VASH1: variants seen among roughly 807,000 people sequenced by gnomAD.
VASH1 encodes the protein vasohibin 1.
In VASH1, 16 loss-of-function variants were observed where a neutral mutation model predicts 35.0. The observed-to-expected ratio is 0.46, with a 90% CI of 0.31 to 0.70. VASH1 has a LOEUF of 0.70. VASH1 is among the 30% of genes least tolerant of loss of function. The pLI is 0.05. For missense variants in VASH1, 505 were observed against 510.7 expected (o/e 0.99, Z 0.11); for synonymous variants, 214 against 200.9 (o/e 1.07, Z -0.55).
intron 1 of VASH1, 74 bp downstream of exon 1, chr14:76,763,204 A>ACT: frequency 7.6e-7 from 1 of 1,313,094 alleles, no homozygotes; most frequent in Non-Finnish European, 9.8e-7. Flanking sequence ...GTGAAGCCAC[A>ACT]CTCTCCTCCC....
Position 76,769,308 on chromosome 14 carries a change from GAGA to G in VASH1, c.310-651_310-649del, listed in dbSNP as rs1566683274. The G allele has an allele frequency of 2.3e-6, 3 of 1,288,908 alleles. No homozygotes were observed. In the East Asian group the frequency reaches 1.7e-4, roughly 72 times the overall value. The allele number at this position is 1,288,908 out of a possible 1,614,324, so 79.8% of individuals were successfully genotyped here. Reference sequence around the variant, plus strand: ...GACTAGGTGTGGAGCTGGCAGGAAAGAGAAGACTTGGAGGAGGACCCGGCCCCT... The same window carrying G: ...GACTAGGTGTGGAGCTGGCAGGAAAGAGACTTGGAGGAGGACCCGGCCCCT... On this transcript the variant is annotated intron_variant, in intron 1 of 6. Coordinates refer to ENST00000167106, the MANE Select transcript of VASH1 (RefSeq NM_014909.5).
At position 76,762,828 on chromosome 14, in the gene VASH1, G is replaced by A. The variant is rs1299767241; in HGVS notation, c.7G>A (p.Gly3Arg). Residue 3 changes from glycine (G) to arginine (R), a missense_variant, in exon 1 of 7, where the codon GGG (glycine) becomes AGG (arginine). Physicochemically the swap from Gly to Arg is moderately radical, Grantham distance 125. Transcript: ENST00000167106. MP[G>R]GKKVAGGGSS... The stretch of plus-strand genomic sequence containing the variant: ...CCCCCTCGAAGATTTAGGGATGCCA[G>A]GGGGGAAGAAGGTGGCTGGGGGTGG... The A allele has an allele frequency of 5.0e-5, 75 of 1,489,300 alleles. No individual in the cohort carries two copies. The highest frequency in any genetic ancestry group is 6.6e-5 in the Non-Finnish European group (74 of 1,119,948). 92.3% of individuals were successfully genotyped at this position (1,489,300 alleles called of 1,614,324 possible).
intron 1 of VASH1, among the ~76,000 whole-genome samples, chr14:76,768,474 C>T (rs749557433): frequency 6.6e-5 from 10 of 152,100 alleles, no homozygotes; most frequent in East Asian, 1.9e-4. Context: ...GTGCAGGCGA[C>T]GCTGTGGCCC....
rs1051601230 is a variant in VASH1 at position 76,782,066 on chromosome 14, TG to T, written c.*3055del. On this transcript the variant is annotated 3_prime_UTR_variant, in exon 7 of 7. Coordinates refer to ENST00000167106, the MANE Select transcript of VASH1 (RefSeq NM_014909.5). ...GCTACCTGTGGAAAATGGACCAGGT[TG>T]GGGGGGTGATTGCAAAGTCTCCCCA... is the stretch of plus-strand genomic sequence containing the variant. 7.2e-5 allele frequency: 11 copies of T among 152,056 alleles called. No homozygotes were observed. Among genetic ancestry groups the T allele is most frequent in the Non-Finnish European group, 1.3e-4 (9 of 68,026 alleles). 9.4% of individuals were successfully genotyped at this position (152,056 alleles called of 1,614,324 possible). A position where few individuals can be genotyped will look rare whatever the true frequency, so the allele number is the denominator to read the frequency against.
chr14:76,772,121 T>C (rs371260500), intron 3 of VASH1, among the ~76,000 whole-genome samples: 10 of 152,090 alleles, frequency 6.6e-5, no homozygotes, highest in Admixed American at 2.0e-4. Context: ...GTGCCTGTAA[T>C]CCCAGCTACT....
At chr14:76,775,794 C>T in intron 4 of VASH1, 98 bp from the exon 5 acceptor site, 1 of 1,454,856 alleles carries the variant, frequency 6.9e-7, no homozygotes, top group Admixed American at 2.6e-5. Context: ...CACCCCAAGG[C>T]TGGCGGTGCG....
rs186708690 is a variant in VASH1, at chr14:76,772,939, G to A, written c.456-198G>A. ...GGCCTCCTTCCTATCAGCAGTGGCC[G>A]CCTCTTTCCCACCCCCTCAGGCTCC... On this transcript the variant is annotated intron_variant, in intron 3 of 6. Transcript: ENST00000167106. Among the ~76,000 whole-genome samples the A allele has an allele frequency of 3.1e-3, 478 of 152,306 alleles. 1 individual carries two copies. The highest frequency in any genetic ancestry group is 0.011 in the African/African-American group (460 of 41,582).
Sources: allele counts gnomAD v4.1 joint callset (sites outside exome capture counted in the v4.1 genomes callset), GRCh38; gene constraint gnomAD v4.1.1; transcripts MANE v1.5; gene names NCBI Gene and HGNC (gene_info 2026-07-23, HGNC 2026-07-21).